Variants in HDAC4 observed in about 807,000 individuals in gnomAD.
HDAC4 encodes the protein histone deacetylase A.
A neutral mutation model predicts 135.1 loss-of-function variants in HDAC4; 16 were observed. That is an observed-to-expected ratio of 0.12 (90% CI 0.08 to 0.18). The LOEUF (loss-of-function observed/expected upper bound fraction) is 0.18, where lower values mean the gene tolerates loss of function less well. Ranked by LOEUF, HDAC4 falls within the 10% of genes least tolerant of loss-of-function variation. The pLI is 1.00. For missense variants in HDAC4, 1,143 were observed against 1,511.8 expected (o/e 0.76, Z 4.05); for synonymous variants, 685 against 653.4 (o/e 1.05, Z -0.74).
chr2:239,183,455 C>T (rs1559192041), intron 4 of HDAC4, among the ~76,000 whole-genome samples: 2 of 152,224 alleles, frequency 1.3e-5, no homozygotes, highest in African/African-American at 4.8e-5. Context: ...GGTAAGCTGC[C>T]GCCCATGGAT....
intron 2 of HDAC4, among the ~76,000 whole-genome samples, chr2:239,237,419 A>T (rs1349251829): frequency 6.6e-6 from 1 of 152,016 alleles, no homozygotes; most frequent in Non-Finnish European, 1.5e-5. Context: ...AGTGGTGTAA[A>T]ATGCCCTGCA....
chr2:239,271,266 ACCAT>A (rs2050044215), intron 2 of HDAC4, among the ~76,000 whole-genome samples: 2 of 152,080 alleles, frequency 1.3e-5, no homozygotes, highest in African/African-American at 4.8e-5. Context: ...GGTGCATGCC[ACCAT>A]GCCTGGCTAA....
At chr2:239,088,039 C>T (rs1199664167) in intron 18 of HDAC4, among the ~76,000 whole-genome samples, 2 of 152,196 alleles carry the variant, frequency 1.3e-5, no homozygotes, top group Non-Finnish European at 1.5e-5. Context: ...GACTTGGCCG[C>T]GGGGCAGAGA....
At chr2:239,138,795 G>A (rs2041147078) in intron 9 of HDAC4, among the ~76,000 whole-genome samples, 2 of 152,226 alleles carry the variant, frequency 1.3e-5, no homozygotes, top group Admixed American at 1.3e-4. Context: ...CCTGGCACAA[G>A]GCGCTCGGGA....
At chr2:239,281,244 CCACA>C (rs901810858) in intron 2 of HDAC4, among the ~76,000 whole-genome samples, 6 of 132,588 alleles carry the variant, frequency 4.5e-5, no homozygotes, top group Non-Finnish European at 6.5e-5. Flanking sequence ...ACACCACTCT[CCACA>C]CAATGTACAC....
At chr2:239,231,184 G>C (rs1051403369) in intron 3 of HDAC4, among the ~76,000 whole-genome samples, 2 of 152,080 alleles carry the variant, frequency 1.3e-5, no homozygotes, top group Non-Finnish European at 2.9e-5. Context: ...ACAGATACAC[G>C]TTTCCCAGGA....
intron 15 of HDAC4, among the ~76,000 whole-genome samples, chr2:239,106,182 C>A (rs752736751): frequency 2.0e-5 from 3 of 152,078 alleles, no homozygotes; most frequent in Non-Finnish European, 4.4e-5. Context: ...GAGCCGAGGG[C>A]GGGCGGAGGA....
At chr2:239,397,728 A>G (rs1696662222) in intron 1 of HDAC4, among the ~76,000 whole-genome samples, 1 of 152,244 alleles carries the variant, frequency 6.6e-6, no homozygotes, top group Non-Finnish European at 1.5e-5. Flanking sequence ...CCGTATGAAG[A>G]GAACTTACTG....
At chr2:239,239,986 C>G (rs2048086477) in intron 2 of HDAC4, among the ~76,000 whole-genome samples, 1 of 152,276 alleles carries the variant, frequency 6.6e-6, no homozygotes. Context: ...CGGCCACAGT[C>G]TCTTTAAGAC....
chr2:239,132,100 G>A (rs544110666), intron 11 of HDAC4, among the ~76,000 whole-genome samples: 18 of 152,306 alleles, frequency 1.2e-4, no homozygotes, highest in African/African-American at 4.1e-4. Flanking sequence ...GGGAGTGAGA[G>A]AGCATGGGAG....
intron 4 of HDAC4, among the ~76,000 whole-genome samples, chr2:239,187,760 G>A (rs867628764): frequency 3.9e-5 from 6 of 152,290 alleles, no homozygotes; most frequent in Middle Eastern, 3.4e-3. Flanking sequence ...GCTCTCAACT[G>A]CCCCACCCTA....
At chr2:239,219,261 C>T (rs1192154236) in intron 3 of HDAC4, among the ~76,000 whole-genome samples, 2 of 151,854 alleles carry the variant, frequency 1.3e-5, no homozygotes, top group African/African-American at 4.8e-5. Context: ...AAATGTGGCA[C>T]ATATACACCA....
chr2:239,172,968 A>G (rs111861519), intron 5 of HDAC4, among the ~76,000 whole-genome samples: 41 of 152,290 alleles, frequency 2.7e-4, no homozygotes, highest in East Asian at 2.3e-3. Context: ...GCCGGGGGGG[A>G]AAAATGTCCC....
intron 22 of HDAC4, among the ~76,000 whole-genome samples, chr2:239,076,865 T>C (rs777366007): frequency 6.6e-6 from 1 of 151,994 alleles, no homozygotes; most frequent in Non-Finnish European, 1.5e-5. Flanking sequence ...CACCTGAACC[T>C]TCTCCCGCTG....
intron 1 of HDAC4, among the ~76,000 whole-genome samples, chr2:239,355,731 G>T (rs769259277): frequency 1.3e-5 from 2 of 152,180 alleles, no homozygotes; most frequent in African/African-American, 2.4e-5. Flanking sequence ...TCTTCAAATA[G>T]GAATAAGCTC....
rs146207339 is a variant in HDAC4, at chr2:239,257,352, T to TA, written c.23-20689dup. 7.4e-3 allele frequency among the ~76,000 whole-genome samples: 1,117 copies of TA among 150,964 alleles called. 21 individuals are homozygous for TA. The East Asian group carries it at 0.087, about 12-fold the overall frequency. ...CATCTTCTTGATGACACTACTAAGTTAAAAAAAAACAGTGAAGAATTACAG... is the reference window on the plus strand; with the variant it reads ...CATCTTCTTGATGACACTACTAAGTTAAAAAAAAAACAGTGAAGAATTACAG... On this transcript the variant is annotated intron_variant, in intron 2 of 26. Coordinates refer to ENST00000543185, the MANE Select transcript of HDAC4 (RefSeq NM_001378414.1).
At chr2:239,280,374 A>G (rs2125350416) in intron 2 of HDAC4, among the ~76,000 whole-genome samples, 1 of 152,308 alleles carries the variant, frequency 6.6e-6, no homozygotes, top group South Asian at 2.1e-4. Context: ...GAAGAACATT[A>G]GAGGAATACA....
chr2:239,340,037 A>G (rs1051711533), intron 2 of HDAC4, among the ~76,000 whole-genome samples: 2 of 152,200 alleles, frequency 1.3e-5, no homozygotes, highest in Non-Finnish European at 2.9e-5. Context: ...AAGCAAGAAG[A>G]GTGGGATGTG....
chr2:239,095,584 C>A (rs905338111), intron 16 of HDAC4, among the ~76,000 whole-genome samples: 1 of 152,140 alleles, frequency 6.6e-6, no homozygotes, highest in South Asian at 2.1e-4. Flanking sequence ...CCCCTCCCTG[C>A]GACACAGGCG....
Sources: allele counts gnomAD v4.1 joint callset (sites outside exome capture counted in the v4.1 genomes callset), GRCh38; gene constraint gnomAD v4.1.1; transcripts MANE v1.5; gene names NCBI Gene and HGNC (gene_info 2026-07-23, HGNC 2026-07-21).